The following MYOM3 variants were observed in gnomAD, a reference collection of about 807,000 sequenced individuals.
MYOM3 encodes myomesin-3.
In MYOM3, 155 loss-of-function variants were observed where a neutral mutation model predicts 191.7. That is an observed-to-expected ratio of 0.81 (90% confidence interval 0.71 to 0.92). The LOEUF (loss-of-function observed/expected upper bound fraction) is 0.92, where lower values mean the gene tolerates loss of function less well. Ranked by LOEUF, MYOM3 falls within the 40% of genes least tolerant of loss-of-function variation. The pLI is 0.00. For missense variants in MYOM3, 1,889 were observed against 1,890.6 expected, an observed-to-expected ratio of 1.00 and a Z score of 0.02; for synonymous variants, 757 against 762.9, an observed-to-expected ratio of 0.99 and a Z score of 0.13.
intron 1 of MYOM3, among the ~76,000 whole-genome samples, chr1:24,109,842 G>A (rs914183499): frequency 3.9e-5 from 6 of 152,230 alleles, no homozygotes; most frequent in Non-Finnish European, 7.3e-5. Context: ...AGGCCAGGCC[G>A]TGGCAGAGGC....
intron 33 of MYOM3, 119 bp from the exon 34 acceptor site, chr1:24,061,428 C>T (rs923196882): frequency 2.0e-5 from 20 of 1,022,704 alleles, no homozygotes; most frequent in South Asian, 8.4e-5. Context: ...CTCCCCATGC[C>T]GATGTTTCTT....
rs1275086404 is a variant in MYOM3 at position 24,058,999 on chromosome 1, C to A, written c.3995-20G>T. ...CACGATCTGGAAGGGAAATAAGAGA[C>A]CCCAGCGATGAATCCTTTTCTGCCA... On this transcript the variant is annotated intron_variant, in intron 35 of 36. Coordinates refer to ENST00000374434, the MANE Select transcript of MYOM3 (RefSeq NM_152372.4). 1.9e-6 allele frequency: 3 copies of A among 1,597,018 alleles called. No homozygotes were observed. The highest frequency in any genetic ancestry group is 1.7e-4 in the Middle Eastern group (1 of 6,028).
intron 20 of MYOM3, among the ~76,000 whole-genome samples, chr1:24,078,294 T>G (rs980829348): frequency 6.6e-6 from 1 of 152,110 alleles, no homozygotes; most frequent in African/African-American, 2.4e-5. Context: ...TTTGTATTTT[T>G]TTTGTAGAAA....
At position 24,087,875 on chromosome 1, in the gene MYOM3, G is replaced by A. The variant is rs1557611181; in HGVS notation, c.1615-1048C>T. On this transcript the variant is annotated intron_variant, in intron 14 of 36. Coordinates refer to ENST00000374434, the MANE Select transcript of MYOM3 (RefSeq NM_152372.4). The surrounding 1 kb of genome is among the most constrained non-coding windows in gnomAD (Gnocchi z 4.5). ...AGCAGGTGCTCCATCTATGTTTCTG[G>A]GACAAATGAATGAACAAATGAATGA... Among the ~76,000 whole-genome samples the A allele has an allele frequency of 2.0e-5, 3 of 152,144 alleles. No individual in the cohort carries two copies. Among genetic ancestry groups the A allele is most frequent in the Admixed American group, 1.3e-4 (2 of 15,276 alleles).
chr1:24,076,358 C>T, intron 20 of MYOM3, 85 bp from the exon 21 acceptor site: 1 of 948,724 alleles, frequency 1.1e-6, no homozygotes, highest in East Asian at 2.4e-5. Flanking sequence ...GAGCCACTCT[C>T]AATAAGAAAA....
chr1:24,073,981 G>A (rs925196626), intron 23 of MYOM3, among the ~76,000 whole-genome samples, 179 bp downstream of exon 23: 1 of 151,902 alleles, frequency 6.6e-6, no homozygotes, highest in African/African-American at 2.4e-5. Context: ...GGGCCTACCT[G>A]GCCTGTGGCA....
chr1:24,081,658 G>T (rs1050181412), intron 18 of MYOM3: 89 of 629,966 alleles, frequency 1.4e-4, no homozygotes, highest in Non-Finnish European at 2.3e-4. Context: ...AACCTTCTGG[G>T]CTCATGCAGT....
intron 6 of MYOM3, among the ~76,000 whole-genome samples, chr1:24,099,304 A>G (rs1034346873): frequency 3.3e-5 from 5 of 152,148 alleles, no homozygotes; most frequent in Non-Finnish European, 7.3e-5. Context: ...GCACAGGTGC[A>G]TATGTGTGCA....
chr1:24,098,936 C>T (rs1038865868), intron 6 of MYOM3, among the ~76,000 whole-genome samples: 2 of 152,190 alleles, frequency 1.3e-5, no homozygotes, highest in Non-Finnish European at 2.9e-5. Context: ...AGAGCCTTAA[C>T]TTTCTGAGCC....
At chr1:24,083,079 A>G (rs1483913930) in intron 16 of MYOM3, 1 of 166,504 alleles carries the variant, frequency 6.0e-6, no homozygotes, top group Non-Finnish European at 1.3e-5. Flanking sequence ...TAATACCTGC[A>G]CTAATGCTGG....
At position 24,063,120 on chromosome 1, in the gene MYOM3, AC is replaced by A; in HGVS notation, c.3770+5del. The A allele has an allele frequency of 6.3e-7, 1 of 1,596,670 alleles. No individual in the cohort carries two copies. The highest frequency in any genetic ancestry group is 8.6e-7 in the Non-Finnish European group (1 of 1,164,958). ...TGGCTGGGGTTCTGGGGCAAGGCGG[AC>A]TTACTTGTGGAACCAGGTGGTTTTC... is the stretch of plus-strand genomic sequence containing the variant. On this transcript the variant is annotated splice_donor_5th_base_variant and intron_variant, in intron 32 of 36. Coordinates refer to ENST00000374434, the MANE Select transcript of MYOM3 (RefSeq NM_152372.4). The surrounding 1 kb of genome is among the most constrained non-coding windows in gnomAD (Gnocchi z 4.5).
intron 25 of MYOM3, 118 bp from the exon 26 acceptor site, chr1:24,068,485 T>G: frequency 8.0e-7 from 1 of 1,252,482 alleles, no homozygotes; most frequent in Non-Finnish European, 1.1e-6. Flanking sequence ...CTTCAGAGAC[T>G]GGGGCTGGCC....
chr1:24,107,587 G>A (rs1203773335), intron 3 of MYOM3, among the ~76,000 whole-genome samples: 1 of 152,164 alleles, frequency 6.6e-6, no homozygotes, highest in Non-Finnish European at 1.5e-5. Context: ...TCCTAGCCCA[G>A]GGCCCTGCCC....
intron 27 of MYOM3, among the ~76,000 whole-genome samples, chr1:24,067,402 C>T (rs1643461786): frequency 1.4e-5 from 1 of 73,322 alleles, no homozygotes; most frequent in African/African-American, 7.2e-5. Context: ...TTCCTTCCTT[C>T]CTTCCTTCCT....
chr1:24,097,214 C>T lies in MYOM3; in HGVS notation c.745+709G>A, dbSNP rs74061494. Among the ~76,000 whole-genome samples, 685 of 152,274 alleles carry T rather than the reference C, an allele frequency of 4.5e-3. 6 individuals carry two copies. The highest frequency in any genetic ancestry group is 0.015 in the African/African-American group (623 of 41,570). The stretch of plus-strand genomic sequence containing the variant: ...GGTTTGGCTTTTGTCCCTGAGGACC[C>T]CTCAGCAGGGTTGGTGGGGCCAGAC... On this transcript the variant is annotated intron_variant, in intron 7 of 36. Coordinates refer to ENST00000374434, the MANE Select transcript of MYOM3 (RefSeq NM_152372.4).
At chr1:24,080,691 A>G (rs963888134) in intron 19 of MYOM3, among the ~76,000 whole-genome samples, 15 of 152,332 alleles carry the variant, frequency 9.8e-5, no homozygotes, top group Admixed American at 6.5e-4. Context: ...TAATTTATGA[A>G]AAGTGTTTGG....
At chr1:24,108,453 G>T in intron 2 of MYOM3, 23 bp downstream of exon 2, 1 of 1,530,608 alleles carries the variant, frequency 6.5e-7, no homozygotes, top group South Asian at 1.2e-5. Context: ...GCAGTGGCTG[G>T]GCGGGGACCC....
rs552540811 is a variant in MYOM3, at chr1:24,063,157, C to T, written c.3739G>A (p.Val1247Met). The T allele has an allele frequency of 3.7e-5, 59 of 1,613,120 alleles. No individual in the cohort carries two copies. The highest frequency in any genetic ancestry group is 1.2e-4 in the Admixed American group (7 of 59,992). Reference protein sequence around the residue: ...RIFSKVKYYNVEYMKTTWFHK... With the variant: ...RIFSKVKYYNMEYMKTTWFHK... The stretch of plus-strand genomic sequence containing the variant: ...AACCAGGTGGTTTTCATGTACTCCA[C>T]GTTGTAGTACTTGACCTTGCTGAAG... Residue 1247 changes from valine to methionine, a missense_variant, in exon 32 of 37, where the codon GTG (valine) becomes ATG (methionine). By Grantham distance (21) the Val-to-Met change is conservative. Coordinates refer to ENST00000374434, the MANE Select transcript of MYOM3 (RefSeq NM_152372.4). This position sits in a 1 kb window ranked among gnomAD's most constrained non-coding sequence, Gnocchi z 4.5.
chr1:24,096,841 G>A (rs1643880990), intron 7 of MYOM3, among the ~76,000 whole-genome samples: 1 of 152,250 alleles, frequency 6.6e-6, no homozygotes, highest in Non-Finnish European at 1.5e-5. Context: ...CCCTTGGGCA[G>A]TGCCCTGCCC....
Sources: allele counts gnomAD v4.1 joint callset (sites outside exome capture counted in the v4.1 genomes callset), GRCh38; gene constraint gnomAD v4.1.1; non-coding constraint Gnocchi (gnomAD v3.1); transcripts MANE v1.5; gene names NCBI Gene and HGNC (gene_info 2026-07-23, HGNC 2026-07-21).